The following CPNE5 variants were observed in gnomAD, a reference collection of about 807,000 sequenced individuals.
CPNE5 encodes the protein copine 5.
CPNE5 carries 42 observed loss-of-function variants against 81.1 expected under a neutral mutation model. The observed-to-expected ratio is 0.52, with a 90% CI of 0.40 to 0.67. The LOEUF (loss-of-function observed/expected upper bound fraction) is 0.67, where lower values mean the gene tolerates loss of function less well. CPNE5 is among the 30% of genes least tolerant of loss of function. The pLI is 0.00. For synonymous variants in CPNE5, 313 were observed against 321.5 expected (o/e 0.97, Z 0.28); for missense variants, 612 against 815.5 (o/e 0.75, Z 3.04).
chr6:36,837,977 C>T (rs16889183), intron 1 of CPNE5, among the ~76,000 whole-genome samples: 10,052 of 152,058 alleles, frequency 0.066, 433 homozygotes, highest in East Asian at 0.17. Context: ...GGGAGATGAT[C>T]CTGACGGCAT....
rs1396411934 is a variant in CPNE5 at position 36,792,037 on chromosome 6, C to T, written c.524G>A (p.Cys175Tyr). Residue 175 changes from cysteine (C) to tyrosine (Y), a missense_variant, in exon 8 of 21, where the codon TGT (cysteine) becomes TAT (tyrosine). Coordinates refer to ENST00000244751, the MANE Select transcript of CPNE5 (RefSeq NM_020939.2). Reference sequence around the variant, plus strand: ...CTGGAGTCCTCTGCCACTCACCCTACAGTTGCTGAGCTCCTCAGCGGACAG... The same window carrying T: ...CTGGAGTCCTCTGCCACTCACCCTATAGTTGCTGAGCTCCTCAGCGGACAG... ...IILSAEELSN[C>Y]RDVATMQFCA... The T allele has an allele frequency of 6.2e-7, 1 of 1,613,950 alleles. No individual in the cohort carries two copies. Among genetic ancestry groups the T allele is most frequent in the Non-Finnish European group, 8.5e-7 (1 of 1,179,816 alleles).
intron 3 of CPNE5, among the ~76,000 whole-genome samples, chr6:36,801,570 G>A (rs1010744286): frequency 1.3e-5 from 2 of 152,264 alleles, no homozygotes; most frequent in East Asian, 1.9e-4. Flanking sequence ...AGGGGTGAGG[G>A]GCTAAGAGGT....
chr6:36,792,298 G>A (rs1769172232), intron 7 of CPNE5: 19 of 1,501,328 alleles, frequency 1.3e-5, no homozygotes, highest in African/African-American at 2.8e-5. Flanking sequence ...CCGGGTCCCC[G>A]AGCCTGGAGC....
chr6:36,750,515 G>T (rs1450513565), intron 14 of CPNE5, among the ~76,000 whole-genome samples: 1 of 152,130 alleles, frequency 6.6e-6, no homozygotes, highest in African/African-American at 2.4e-5. Flanking sequence ...CAAGAACCTG[G>T]GTCCCTGAAT....
chr6:36,759,929 A>G (rs1241670852), intron 12 of CPNE5, among the ~76,000 whole-genome samples: 1 of 151,986 alleles, frequency 6.6e-6, no homozygotes, highest in African/African-American at 2.4e-5. Context: ...ATGCACAGCC[A>G]GGCGTGGTGG....
At chr6:36,767,888 C>T (rs1429288261) in intron 10 of CPNE5, among the ~76,000 whole-genome samples, 1 of 152,192 alleles carries the variant, frequency 6.6e-6, no homozygotes, top group Non-Finnish European at 1.5e-5. Flanking sequence ...AATTTGGAAT[C>T]CCCCCAAGAA....
intron 6 of CPNE5, among the ~76,000 whole-genome samples, chr6:36,797,451 A>G (rs1175297056): frequency 3.3e-5 from 5 of 152,228 alleles, no homozygotes; most frequent in Admixed American, 2.6e-4. Flanking sequence ...ATGGACACCA[A>G]AGAATGGTGA....
chr6:36,778,835 G>A lies in CPNE5; in HGVS notation c.632+19C>T, dbSNP rs757212529. The A allele has an allele frequency of 7.3e-6, 11 of 1,515,266 alleles. No individual in the cohort carries two copies. In the South Asian group the frequency reaches 9.0e-5, roughly 12 times the overall value. 93.9% of individuals were successfully genotyped at this position (1,515,266 alleles called of 1,614,324 possible). A position where few individuals can be genotyped will look rare whatever the true frequency, so the allele number is the denominator to read the frequency against. On this transcript the variant is annotated intron_variant, in intron 9 of 20. Transcript: ENST00000244751. ...AGGGACGAGAAGGTGCAGTGCACAAGTGTCCCCAGAAAACTCACGTTCCAT... is the reference window on the plus strand; with the variant it reads ...AGGGACGAGAAGGTGCAGTGCACAAATGTCCCCAGAAAACTCACGTTCCAT...
chr6:36,743,956 C>G, intron 19 of CPNE5, among the ~76,000 whole-genome samples, 194 bp from the exon 20 acceptor site: 1 of 152,216 alleles, frequency 6.6e-6, no homozygotes, highest in East Asian at 1.9e-4. Context: ...TGACTTTGAG[C>G]CCAGTGCTTT....
intron 8 of CPNE5, among the ~76,000 whole-genome samples, chr6:36,781,867 G>A (rs543566989): frequency 2.6e-5 from 4 of 152,252 alleles, no homozygotes; most frequent in South Asian, 2.1e-4. Context: ...GAGGTGACCC[G>A]CAGTGGCATC....
At chr6:36,808,001 C>T (rs1029090088) in intron 3 of CPNE5, among the ~76,000 whole-genome samples, 5 of 152,308 alleles carry the variant, frequency 3.3e-5, no homozygotes, top group African/African-American at 4.8e-5. Context: ...GGAGAGAGGT[C>T]GCCCGCTCAG....
chr6:36,811,248 G>A (rs1370648569), intron 3 of CPNE5, among the ~76,000 whole-genome samples: 37 of 152,174 alleles, frequency 2.4e-4, no homozygotes, highest in Admixed American at 2.4e-3. Flanking sequence ...CATGGAGGGG[G>A]CCCTGGGACT....
At chr6:36,809,911 A>T (rs1276789915) in intron 3 of CPNE5, among the ~76,000 whole-genome samples, 1 of 151,598 alleles carries the variant, frequency 6.6e-6, no homozygotes, top group Non-Finnish European at 1.5e-5. Context: ...TGACTTCTCA[A>T]CTTTGAAACA....
intron 3 of CPNE5, among the ~76,000 whole-genome samples, chr6:36,821,536 G>C (rs756781829): frequency 2.6e-5 from 4 of 152,076 alleles, no homozygotes; most frequent in Non-Finnish European, 1.5e-5. Flanking sequence ...CCTACTCCCT[G>C]TTACAAGGGA....
chr6:36,752,178 G>A (rs758658712), intron 14 of CPNE5, among the ~76,000 whole-genome samples: 3 of 152,148 alleles, frequency 2.0e-5, no homozygotes, highest in Non-Finnish European at 2.9e-5. Context: ...TGGCTGGGAT[G>A]AGCCTTTGGC....
At chr6:36,835,787 G>A (rs886417721) in intron 1 of CPNE5, among the ~76,000 whole-genome samples, 2 of 149,038 alleles carry the variant, frequency 1.3e-5, no homozygotes, top group East Asian at 3.9e-4. Context: ...CTGGGCAACA[G>A]AGCAAAAACT....
chr6:36,743,780 T>C lies in CPNE5; in HGVS notation c.1490-18A>G. 3 of 1,607,348 alleles carry C rather than the reference T, an allele frequency of 1.9e-6. No individual in the cohort carries two copies. The African/African-American group carries it at 4.0e-5, about 21-fold the overall frequency. ...CACCATGGCTGTGAGGGGAGGAGTG[T>C]CATGGGGCGGGGTGAGATTAACGGT... On this transcript the variant is annotated intron_variant, in intron 19 of 20. Transcript: ENST00000244751.
At chr6:36,828,495 C>T (rs1447092405) in intron 1 of CPNE5, among the ~76,000 whole-genome samples, 2 of 152,082 alleles carry the variant, frequency 1.3e-5, no homozygotes, top group Non-Finnish European at 2.9e-5. Context: ...GACCATCACG[C>T]ATCCCTGGTT....
At chr6:36,742,562 G>A in intron 20 of CPNE5, 76 bp from the exon 21 acceptor site, 1 of 1,547,884 alleles carries the variant, frequency 6.5e-7, no homozygotes. Flanking sequence ...GCCTGGGGTT[G>A]CATCCCCACC....
Sources: gnomAD v4.1 joint callset for allele counts (sites outside exome capture counted in the v4.1 genomes callset) on GRCh38, gnomAD v4.1.1 for gene constraint, MANE v1.5 for transcripts, NCBI Gene and HGNC (gene_info 2026-07-23, HGNC 2026-07-21) for gene names.